PSMB7: variants seen among roughly 807,000 people sequenced by gnomAD.
PSMB7 encodes the protein proteasome 20S subunit beta 7.
A neutral mutation model predicts 28.1 loss-of-function variants in PSMB7; 5 were observed. The ratio of observed to expected loss-of-function variants is 0.18; its 90% CI spans 0.09 to 0.37. The LOEUF (loss-of-function observed/expected upper bound fraction) is 0.37, where lower values mean the gene tolerates loss of function less well. Ranked by LOEUF, PSMB7 falls within the 10% of genes least tolerant of loss-of-function variation. The pLI is 1.00. For synonymous variants in PSMB7, 122 were observed against 123.7 expected, an observed-to-expected ratio of 0.99 and a Z score of 0.09; for missense variants, 275 against 346.2, an observed-to-expected ratio of 0.79 and a Z score of 1.63.
intron 5 of PSMB7, among the ~76,000 whole-genome samples, chr9:124,394,274 T>C (rs1830820412): frequency 6.6e-6 from 1 of 152,212 alleles, no homozygotes; most frequent in Non-Finnish European, 1.5e-5. Context: ...GTGAAAAGCC[T>C]TCTGATGGCT....
intron 5 of PSMB7, among the ~76,000 whole-genome samples, chr9:124,394,189 C>G (rs1424513952): frequency 6.6e-6 from 1 of 152,216 alleles, no homozygotes; most frequent in Non-Finnish European, 1.5e-5. Flanking sequence ...CAAAGTCATG[C>G]AGCCAGGAAT....
At chr9:124,379,724 T>G (rs1453327650) in intron 6 of PSMB7, among the ~76,000 whole-genome samples, 1 of 152,250 alleles carries the variant, frequency 6.6e-6, no homozygotes, top group Non-Finnish European at 1.5e-5. Context: ...ATTTTCCCTG[T>G]GTCCTTAATG....
intron 5 of PSMB7, among the ~76,000 whole-genome samples, chr9:124,385,991 G>A (rs561177048): frequency 6.6e-6 from 1 of 152,178 alleles, no homozygotes; most frequent in East Asian, 1.9e-4. Flanking sequence ...ATATTGCTGC[G>A]GTTGAGGATC....
intron 6 of PSMB7, among the ~76,000 whole-genome samples, chr9:124,360,660 T>C (rs1203450591): frequency 6.6e-6 from 1 of 152,236 alleles, no homozygotes; most frequent in Non-Finnish European, 1.5e-5. Context: ...AAGATCACCA[T>C]GACCCTGACG....
In PSMB7 at chr9:124,383,974, G is replaced by A. The variant is rs564804388; in HGVS notation, c.570+624C>T. On this transcript the variant is annotated intron_variant, in intron 6 of 7. Transcript: ENST00000259457. ...TCCTGAAGATGTAGGGGGTGGCGGG[G>A]TGGAGACAATCTATCATTAAAGTAG... is the stretch of plus-strand genomic sequence containing the variant. 2.0e-5 allele frequency: 3 copies of A among 152,312 alleles called. No individual in the cohort carries two copies. In the East Asian group the frequency reaches 5.8e-4, roughly 29 times the overall value. The allele number at this position is 152,312 out of a possible 1,614,324, so 9.4% of individuals were successfully genotyped here.
At chr9:124,374,710 G>C (rs1376284848) in intron 6 of PSMB7, among the ~76,000 whole-genome samples, 1 of 152,064 alleles carries the variant, frequency 6.6e-6, no homozygotes, top group Non-Finnish European at 1.5e-5. Flanking sequence ...CTGTATTCCA[G>C]CTACTTGGGA....
chr9:124,415,334 C>G, intron 1 of PSMB7, 30 bp downstream of exon 1: 1 of 1,610,866 alleles, frequency 6.2e-7, no homozygotes, highest in Non-Finnish European at 8.5e-7. Flanking sequence ...TCTTCTCCCT[C>G]CCTGAACCAA....
intron 5 of PSMB7, among the ~76,000 whole-genome samples, chr9:124,396,536 A>G (rs1830845244): frequency 6.6e-6 from 1 of 152,180 alleles, no homozygotes; most frequent in Non-Finnish European, 1.5e-5. Context: ...GTAATTAGGA[A>G]ACTGTATAAC....
At position 124,356,853 on chromosome 9, in the gene PSMB7, G is replaced by C. The variant is rs1273762113; in HGVS notation, c.633C>G (p.Gly211=). The change falls in exon 7 of 8, where the codon GGC becomes GGG. Residue 211 remains glycine (G), a synonymous_variant. Coordinates refer to ENST00000259457, the MANE Select transcript of PSMB7 (RefSeq NM_002799.4). This position sits in a 1 kb window ranked among gnomAD's most constrained non-coding sequence, Gnocchi z 4.4. The stretch of plus-strand genomic sequence containing the variant: ...CGCAGAGGTCAATGTTGCTTCCGGA[G>C]CCCAGGTCGTTGAAGATGCCAGCTG... The part of the protein sequence containing the change: ...AIAAGIFNDL[G]SGSNIDLCVI... The C allele has an allele frequency of 6.2e-7, 1 of 1,614,162 alleles. No homozygotes were observed.
chr9:124,409,398 TAAC>T (rs1831002771), intron 4 of PSMB7, among the ~76,000 whole-genome samples: 1 of 152,226 alleles, frequency 6.6e-6, no homozygotes, highest in Non-Finnish European at 1.5e-5. Context: ...AGCATTTCAC[TAAC>T]ATTTTTATGA....
intron 5 of PSMB7, among the ~76,000 whole-genome samples, chr9:124,402,838 A>G (rs138635946): frequency 2.6e-5 from 4 of 152,360 alleles, no homozygotes; most frequent in African/African-American, 9.6e-5. Context: ...AGCAATTCAG[A>G]ACAATTCTAA....
chr9:124,361,193 T>G (rs1830462843), intron 6 of PSMB7, among the ~76,000 whole-genome samples: 1 of 152,212 alleles, frequency 6.6e-6, no homozygotes, highest in Non-Finnish European at 1.5e-5. Flanking sequence ...CACCCCTGCT[T>G]CTTAAATGAG....
chr9:124,405,059 C>T (rs1423042657), intron 5 of PSMB7, among the ~76,000 whole-genome samples: 1 of 152,002 alleles, frequency 6.6e-6, no homozygotes, highest in East Asian at 1.9e-4. Flanking sequence ...ATACTTCTCA[C>T]AGTTGTTTAT....
chr9:124,355,084 G>C (rs1238319332), intron 7 of PSMB7, among the ~76,000 whole-genome samples: 1 of 152,206 alleles, frequency 6.6e-6, no homozygotes, highest in Non-Finnish European at 1.5e-5. Context: ...CCCTGGGAAG[G>C]GCTCCCCTAA....
chr9:124,354,342 A>ATTCT lies in PSMB7; in HGVS notation c.723-634_723-633insAGAA, dbSNP rs1588563994. On this transcript the variant is annotated intron_variant, in intron 7 of 7. Coordinates refer to ENST00000259457, the MANE Select transcript of PSMB7 (RefSeq NM_002799.4). Reference sequence around the variant, plus strand: ...TTTCTTTGAGCACCAGACTGTCTAGAAGATATGTATTTGGGCTGTTAATGC... The same window carrying ATTCT: ...TTTCTTTGAGCACCAGACTGTCTAGATTCTAGATATGTATTTGGGCTGTTAATGC... Among the ~76,000 whole-genome samples, 5 of 152,328 alleles carry ATTCT rather than the reference A, an allele frequency of 3.3e-5. No individual in the cohort carries two copies. In the East Asian group the frequency reaches 7.7e-4, roughly 24 times the overall value.
intron 5 of PSMB7, among the ~76,000 whole-genome samples, chr9:124,385,600 A>AT (rs1313536476): frequency 1.1e-4 from 16 of 152,278 alleles, no homozygotes; most frequent in Admixed American, 2.0e-4. Flanking sequence ...CAATTAGAAG[A>AT]TTTTTTTGGC....
intron 5 of PSMB7, among the ~76,000 whole-genome samples, chr9:124,397,904 A>G (rs9696974): frequency 0.46 from 69,737 of 152,026 alleles, 16,429 homozygotes; most frequent in Non-Finnish European, 0.52. Flanking sequence ...ACAGTGGCTC[A>G]TGCCTGTAAT....
chr9:124,401,577 G>A (rs998850185), intron 5 of PSMB7, among the ~76,000 whole-genome samples: 1 of 152,208 alleles, frequency 6.6e-6, no homozygotes, highest in Non-Finnish European at 1.5e-5. Context: ...CAGCTTGGAA[G>A]TGACCTTTTC....
In PSMB7 at chr9:124,388,652, G is replaced by A. The variant is rs149506385; in HGVS notation, c.512-3996C>T. ...CTACAATACAGTTGAGAGAGGACAC[G>A]CAAGACCTTCCATGACCAGGTTTCT... On this transcript the variant is annotated intron_variant, in intron 5 of 7. Coordinates refer to ENST00000259457, the MANE Select transcript of PSMB7 (RefSeq NM_002799.4). Among the ~76,000 whole-genome samples the A allele has an allele frequency of 5.9e-5, 9 of 152,228 alleles. No individual in the cohort carries two copies. The East Asian group carries it at 9.6e-4, about 16-fold the overall frequency.
Sources: gnomAD v4.1 joint callset for allele counts (sites outside exome capture counted in the v4.1 genomes callset) on GRCh38, gnomAD v4.1.1 for gene constraint, Gnocchi (gnomAD v3.1) non-coding constraint, MANE v1.5 for transcripts, NCBI Gene and HGNC (gene_info 2026-07-23, HGNC 2026-07-21) for gene names.